Variants in TRDN observed in about 807,000 individuals in gnomAD.
The protein encoded by TRDN is triadin in skeletal muscle.
TRDN carries 161 observed loss-of-function variants against 149.7 expected under a neutral mutation model. The observed-to-expected ratio is 1.08, with a 90% CI of 0.95 to 1.23. The LOEUF (loss-of-function observed/expected upper bound fraction) is 1.23, where lower values mean the gene tolerates loss of function less well. Ranked by LOEUF, TRDN falls within the 50% of genes most tolerant of loss-of-function variation. The pLI is 0.00. For missense variants in TRDN, 896 were observed against 823.5 expected (o/e 1.09, Z -1.08); for synonymous variants, 294 against 250.5 (o/e 1.17, Z -1.64).
chr6:123,383,674 A>G (rs1399592795), intron 14 of TRDN, among the ~76,000 whole-genome samples: 5 of 152,264 alleles, frequency 3.3e-5, no homozygotes, highest in Non-Finnish European at 4.4e-5. Flanking sequence ...AATGCAAAAT[A>G]AAAATAAAAA....
At chr6:123,538,455 A>G (rs900729619) in intron 4 of TRDN, among the ~76,000 whole-genome samples, 17 of 152,210 alleles carry the variant, frequency 1.1e-4, no homozygotes, top group African/African-American at 4.1e-4. Flanking sequence ...ATTTTCTAAA[A>G]CTTTTTATGT....
rs568123988 is a variant in TRDN, at chr6:123,483,349, G to A, written c.853+13844C>T. Among the ~76,000 whole-genome samples the A allele has an allele frequency of 7.2e-5, 11 of 151,802 alleles. No homozygotes were observed. In the South Asian group the frequency reaches 1.0e-3, roughly 14 times the overall value. ...GGTCTCCTGACCTTGTGATCCACCC[G>A]CCTTGTCTTCCCAAGGCGCTGAGAT... On this transcript the variant is annotated intron_variant, in intron 9 of 40. Transcript: ENST00000334268.
intron 13 of TRDN, among the ~76,000 whole-genome samples, 171 bp downstream of exon 13, chr6:123,393,453 G>T (rs1772592084): frequency 6.6e-6 from 1 of 151,980 alleles, no homozygotes; most frequent in Admixed American, 6.6e-5. Flanking sequence ...AGTCATGCTT[G>T]CTCCAATTAC....
At chr6:123,463,580 T>C (rs1435715926) in intron 10 of TRDN, among the ~76,000 whole-genome samples, 3 of 151,828 alleles carry the variant, frequency 2.0e-5, no homozygotes, top group Non-Finnish European at 4.4e-5. Context: ...TTGCTTTATG[T>C]CCATCTGGAA....
At chr6:123,524,188 A>G (rs948999335) in intron 5 of TRDN, among the ~76,000 whole-genome samples, 1 of 152,190 alleles carries the variant, frequency 6.6e-6, no homozygotes, top group African/African-American at 2.4e-5. Flanking sequence ...ATTTGGGTGG[A>G]CAGTGATGTC....
At chr6:123,418,259 T>C (rs1348699483) in intron 12 of TRDN, among the ~76,000 whole-genome samples, 1 of 152,080 alleles carries the variant, frequency 6.6e-6, no homozygotes, top group Admixed American at 6.6e-5. Flanking sequence ...ACTAAAAAAA[T>C]CCATTTGTGC....
intron 1 of TRDN, among the ~76,000 whole-genome samples, chr6:123,614,679 G>A (rs1289301687): frequency 6.6e-6 from 1 of 151,702 alleles, no homozygotes; most frequent in African/African-American, 2.4e-5. Flanking sequence ...TAAATGTAAG[G>A]CCTGAAACCA....
chr6:123,410,498 G>T (rs897121278), intron 12 of TRDN, among the ~76,000 whole-genome samples: 1 of 152,014 alleles, frequency 6.6e-6, no homozygotes, highest in Admixed American at 6.6e-5. Flanking sequence ...AACATTTATT[G>T]TATTTTCTCT....
At chr6:123,227,489 G>A (rs1775421194) in intron 38 of TRDN, among the ~76,000 whole-genome samples, 1 of 151,862 alleles carries the variant, frequency 6.6e-6, no homozygotes, top group African/African-American at 2.4e-5. Flanking sequence ...CAGTCATGCA[G>A]TTGCAAATGC....
At chr6:123,292,738 C>G (rs1383350655) in intron 24 of TRDN, among the ~76,000 whole-genome samples, 1 of 152,106 alleles carries the variant, frequency 6.6e-6, no homozygotes, top group African/African-American at 2.4e-5. Context: ...CTATGTCTTA[C>G]GAGTCACAGC....
intron 12 of TRDN, among the ~76,000 whole-genome samples, chr6:123,425,552 G>T (rs929793178): frequency 2.0e-5 from 3 of 152,012 alleles, no homozygotes; most frequent in African/African-American, 7.2e-5. Flanking sequence ...ATTCCAGAAA[G>T]AAAGGGAGGA....
chr6:123,412,056 T>A (rs1773463107), intron 12 of TRDN, among the ~76,000 whole-genome samples: 1 of 152,206 alleles, frequency 6.6e-6, no homozygotes, highest in South Asian at 2.1e-4. Context: ...TAGCTTCAAA[T>A]TGGCCTTGGT....
intron 24 of TRDN, among the ~76,000 whole-genome samples, chr6:123,299,204 T>A (rs1247527181): frequency 6.6e-6 from 1 of 151,662 alleles, no homozygotes; most frequent in African/African-American, 2.4e-5. Context: ...ACCTGGGAGA[T>A]CCTGTTCTTG....
chr6:123,529,459 G>T (rs1006191892), intron 5 of TRDN: 2 of 1,073,224 alleles, frequency 1.9e-6, no homozygotes, highest in East Asian at 5.2e-5. Context: ...TAGGATTAAA[G>T]ACATAATATC....
intron 10 of TRDN, among the ~76,000 whole-genome samples, chr6:123,446,765 A>T (rs1775402088): frequency 1.3e-5 from 2 of 152,238 alleles, no homozygotes; most frequent in South Asian, 4.1e-4. Context: ...TGAGAGGTTT[A>T]AGCAGAGAAG....
At chr6:123,239,075 A>G (rs1775893930) in intron 38 of TRDN, among the ~76,000 whole-genome samples, 1 of 152,112 alleles carries the variant, frequency 6.6e-6, no homozygotes, top group African/African-American at 2.4e-5. Context: ...TCCTGACCTC[A>G]TGATCTGCCC....
intron 30 of TRDN, among the ~76,000 whole-genome samples, chr6:123,270,071 A>C (rs906393438): frequency 1.3e-5 from 2 of 152,036 alleles, no homozygotes; most frequent in Non-Finnish European, 2.9e-5. Flanking sequence ...CATGCTACGC[A>C]CATAAAATTT....
intron 30 of TRDN, 81 bp downstream of exon 30, chr6:123,271,058 T>TGTGG: frequency 1.3e-6 from 1 of 743,536 alleles, no homozygotes; most frequent in African/African-American, 1.8e-5. Context: ...TGTGTGTGTG[T>TGTGG]GTGTGTCTGC....
intron 40 of TRDN, among the ~76,000 whole-genome samples, chr6:123,221,272 A>G (rs1775137898): frequency 6.6e-6 from 1 of 151,760 alleles, no homozygotes; most frequent in African/African-American, 2.4e-5. Flanking sequence ...TTCAACCATT[A>G]CTTGTAACTC....
Sources: gnomAD v4.1 joint callset for allele counts (sites outside exome capture counted in the v4.1 genomes callset) on GRCh38, gnomAD v4.1.1 for gene constraint, MANE v1.5 for transcripts, NCBI Gene and HGNC (gene_info 2026-07-23, HGNC 2026-07-21) for gene names.